TRPM6: variants seen among roughly 807,000 people sequenced by gnomAD.
The protein encoded by TRPM6 is transient receptor potential cation channel subfamily M member 6, also known as channel kinase 2.
TRPM6 carries 111 observed loss-of-function variants against 247.6 expected under a neutral mutation model. The ratio of observed to expected loss-of-function variants is 0.45; its 90% CI spans 0.38 to 0.52. TRPM6 has a LOEUF of 0.52. Among genes scored for constraint, TRPM6 ranks in the 20% least tolerant of loss-of-function variants. The pLI is 0.00. For synonymous variants in TRPM6, 892 were observed against 853.8 expected, an observed-to-expected ratio of 1.04 and a Z score of -0.78; for missense variants, 2,126 against 2,421.5, an observed-to-expected ratio of 0.88 and a Z score of 2.56.
At chr9:74,796,602 C>A in intron 18 of TRPM6, 139 bp downstream of exon 18, 1 of 812,268 alleles carries the variant, frequency 1.2e-6, no homozygotes, top group Non-Finnish European at 2.1e-6. Flanking sequence ...TACCCCAGGA[C>A]CATATGTCAT....
intron 1 of TRPM6, among the ~76,000 whole-genome samples, chr9:74,861,363 T>C (rs1175678872): frequency 6.6e-6 from 1 of 152,222 alleles, no homozygotes; most frequent in African/African-American, 2.4e-5. Flanking sequence ...GAAACTGATA[T>C]CATTAAACTT....
rs116477432 is a variant in TRPM6 at position 74,799,867 on chromosome 9, C to T, written c.2238+387G>A. ...AGATTCCTCTGGGAAGACCCCAGATCTTCTGTGAGAATCAAATATATTAAC... is the reference window on the plus strand; with the variant it reads ...AGATTCCTCTGGGAAGACCCCAGATTTTCTGTGAGAATCAAATATATTAAC... On this transcript the variant is annotated intron_variant, in intron 17 of 38. Coordinates refer to ENST00000360774, the MANE Select transcript of TRPM6 (RefSeq NM_017662.5). 2,063 of 284,018 alleles carry T rather than the reference C, an allele frequency of 7.3e-3. 46 individuals are homozygous for T. The highest frequency in any genetic ancestry group is 0.043 in the African/African-American group (1,973 of 45,626). 17.6% of individuals were successfully genotyped at this position (284,018 alleles called of 1,614,324 possible). A position where few individuals can be genotyped will look rare whatever the true frequency, so the allele number is the denominator to read the frequency against.
chr9:74,726,634 C>T (rs1414384973), intron 38 of TRPM6, among the ~76,000 whole-genome samples: 1 of 152,336 alleles, frequency 6.6e-6, no homozygotes, highest in South Asian at 2.1e-4. Context: ...TGTCTCAAGT[C>T]TCCCTGTGTC....
Position 74,752,388 on chromosome 9 carries a change from A to C in TRPM6, c.4907-20T>G, listed in dbSNP as rs1826279150. 1 of 1,358,384 alleles carries C rather than the reference A, an allele frequency of 7.4e-7. No individual in the cohort carries two copies. The highest frequency in any genetic ancestry group is 1.8e-5 in the Admixed American group (1 of 54,428). 84.1% of individuals were successfully genotyped at this position (1,358,384 alleles called of 1,614,324 possible). On this transcript the variant is annotated intron_variant, in intron 28 of 38. Coordinates refer to ENST00000360774, the MANE Select transcript of TRPM6 (RefSeq NM_017662.5). ...CTACACCTTGTAAAGAGGAAGAGAA[A>C]GATTAGAAAATACATGAAAATGTGT... is the stretch of plus-strand genomic sequence containing the variant.
chr9:74,747,963 T>C (rs903813691), intron 30 of TRPM6, 49 bp from the exon 31 acceptor site: 7 of 1,573,392 alleles, frequency 4.4e-6, no homozygotes, highest in Admixed American at 1.7e-5. Context: ...CCTTAAATCT[T>C]ACAGTTATCA....
chr9:74,850,297 G>A (rs574897155), intron 3 of TRPM6, among the ~76,000 whole-genome samples: 54 of 152,120 alleles, frequency 3.5e-4, no homozygotes, highest in African/African-American at 1.3e-3. Flanking sequence ...GCTTGAACCC[G>A]GGAAGTGGAA....
At chr9:74,812,566 G>GA (rs34491796) in intron 11 of TRPM6, 133 bp from the exon 12 acceptor site, 59,567 of 596,266 alleles carry the variant, frequency 0.1, 20 homozygotes, top group East Asian at 0.12. Flanking sequence ...AGTGGGTACA[G>GA]AAAAAAAAAA....
intron 36 of TRPM6, among the ~76,000 whole-genome samples, chr9:74,735,827 G>A (rs1825677812): frequency 6.6e-6 from 1 of 152,138 alleles, no homozygotes; most frequent in Admixed American, 6.5e-5. Context: ...TTTCTGACCT[G>A]GTGTGGCAGC....
chr9:74,833,699 G>C (rs1402009643), intron 6 of TRPM6, among the ~76,000 whole-genome samples: 4 of 152,202 alleles, frequency 2.6e-5, no homozygotes, highest in Non-Finnish European at 5.9e-5. Context: ...TAACAGTAAG[G>C]GCAGTGAGAA....
At chr9:74,808,495 C>T (rs1828614498) in intron 13 of TRPM6, among the ~76,000 whole-genome samples, 1 of 152,088 alleles carries the variant, frequency 6.6e-6, no homozygotes, top group African/African-American at 2.4e-5. Flanking sequence ...GAGTAAAATA[C>T]ATTTAAATAT....
intron 1 of TRPM6, among the ~76,000 whole-genome samples, chr9:74,866,484 TG>T (rs199669846): frequency 6.6e-6 from 1 of 152,142 alleles, no homozygotes; most frequent in East Asian, 1.9e-4. Flanking sequence ...TTTTGTTTTT[TG>T]TTTTTTTGTT....
chr9:74,769,554 C>T (rs1219068075), intron 25 of TRPM6, among the ~76,000 whole-genome samples: 1 of 151,846 alleles, frequency 6.6e-6, no homozygotes, highest in Non-Finnish European at 1.5e-5. Flanking sequence ...GTCAGGAGAT[C>T]CAGAGCATCC....
intron 9 of TRPM6, among the ~76,000 whole-genome samples, chr9:74,817,984 A>G (rs906500762): frequency 1.3e-5 from 2 of 152,144 alleles, no homozygotes; most frequent in African/African-American, 4.8e-5. Flanking sequence ...AAGATAAAAA[A>G]CTATGCTTCT....
intron 14 of TRPM6, chr9:74,804,353 A>G: frequency 2.2e-6 from 1 of 451,882 alleles, no homozygotes; most frequent in Non-Finnish European, 4.0e-6. Flanking sequence ...CTGGAACTCC[A>G]GTGGCCAGGC....
intron 3 of TRPM6, among the ~76,000 whole-genome samples, chr9:74,846,088 T>C (rs1830099696): frequency 6.6e-6 from 1 of 152,222 alleles, no homozygotes; most frequent in Non-Finnish European, 1.5e-5. Flanking sequence ...AGAAAATTTG[T>C]CATTTATTAT....
intron 1 of TRPM6, among the ~76,000 whole-genome samples, chr9:74,869,156 T>G (rs180945803): frequency 1.3e-5 from 2 of 152,106 alleles, no homozygotes; most frequent in Admixed American, 1.3e-4. Flanking sequence ...AGATAGGTAG[T>G]TAGTGTAAGA....
intron 1 of TRPM6, among the ~76,000 whole-genome samples, chr9:74,875,057 G>A (rs1261297510): frequency 2.0e-5 from 3 of 151,872 alleles, no homozygotes; most frequent in African/African-American, 7.3e-5. Context: ...AAGCCACCAT[G>A]CCTGGCCTGT....
Position 74,755,402 on chromosome 9 carries a change from T to C in TRPM6, c.4857A>G (p.Glu1619=), listed in dbSNP as rs1826400729. ...NPEPGENSIS[E]EEYSKNWFTV... ...TGAACCAGTTCTTGCTGTACTCCTC[T>C]TCAGAGATGCTGTTTTCTCCTGGCT... The change falls in exon 28 of 39, where the codon GAA becomes GAG. Residue 1619 remains glutamate (E), a synonymous_variant. Coordinates refer to ENST00000360774, the MANE Select transcript of TRPM6 (RefSeq NM_017662.5). 1 of 1,614,160 alleles carries C rather than the reference T, an allele frequency of 6.2e-7. No individual in the cohort carries two copies. The highest frequency in any genetic ancestry group is 8.5e-7 in the Non-Finnish European group (1 of 1,180,004).
At chr9:74,734,688 C>G (rs765540775) in intron 36 of TRPM6, among the ~76,000 whole-genome samples, 7 of 152,124 alleles carry the variant, frequency 4.6e-5, no homozygotes, top group Non-Finnish European at 1.0e-4. Flanking sequence ...TCAAGAACTT[C>G]TTGTGAAGTG....
Sources: allele counts gnomAD v4.1 joint callset (sites outside exome capture counted in the v4.1 genomes callset), GRCh38; gene constraint gnomAD v4.1.1; transcripts MANE v1.5; gene names NCBI Gene and HGNC (gene_info 2026-07-23, HGNC 2026-07-21).